MGAT4C: variants seen among roughly 807,000 people sequenced by gnomAD.
MGAT4C encodes the protein MGAT4 family member C.
In MGAT4C, 19 loss-of-function variants were observed where a neutral mutation model predicts 40.1. The observed-to-expected ratio is 0.47, with a 90% CI of 0.33 to 0.70. The LOEUF is 0.70. Among genes scored for constraint, MGAT4C ranks in the 30% least tolerant of loss-of-function variants. The pLI is 0.02. For missense variants in MGAT4C, 491 were observed against 563.2 expected (o/e 0.87, Z 1.30); for synonymous variants, 181 against 187.1 (o/e 0.97, Z 0.27).
intron 1 of MGAT4C, among the ~76,000 whole-genome samples, chr12:86,054,000 AAATT>A (rs1346583655): frequency 1.3e-5 from 2 of 152,028 alleles, no homozygotes; most frequent in African/African-American, 2.4e-5. Flanking sequence ...GTGGGGATGT[AAATT>A]AGTACAGCCG....
intron 2 of MGAT4C, among the ~76,000 whole-genome samples, chr12:86,454,323 G>T (rs867294215): frequency 3.3e-5 from 5 of 152,018 alleles, no homozygotes; most frequent in Non-Finnish European, 7.4e-5. Flanking sequence ...GACTTTCTGG[G>T]TTCAAGCAAT....
intron 2 of MGAT4C, among the ~76,000 whole-genome samples, chr12:86,448,934 T>G (rs1473784067): frequency 6.6e-6 from 1 of 152,208 alleles, no homozygotes; most frequent in Non-Finnish European, 1.5e-5. Context: ...CTCAAATAGC[T>G]AGGCTTCAGA....
chr12:86,739,909 TTA>T lies in MGAT4C; in HGVS notation c.-261-12670_-261-12669del, dbSNP rs1013184863. On this transcript the variant is annotated intron_variant, in intron 1 of 7. Transcript: ENST00000548651. ...ACACACACATAAGTCCTAAGGCATA[TTA>T]TATATATATATGTTTCTGTAAATTG... 1.7e-4 allele frequency among the ~76,000 whole-genome samples: 25 copies of T among 150,160 alleles called. 1 individual carries two copies. The highest frequency in any genetic ancestry group is 1.1e-3 in the Admixed American group (17 of 14,960).
At chr12:86,622,580 G>A (rs1000823783) in intron 2 of MGAT4C, among the ~76,000 whole-genome samples, 1 of 152,082 alleles carries the variant, frequency 6.6e-6, no homozygotes, top group African/African-American at 2.4e-5. Flanking sequence ...ATTAGCCCAT[G>A]ACTAAAAGCT....
chr12:86,625,033 T>C (rs547452877), intron 2 of MGAT4C, among the ~76,000 whole-genome samples: 70 of 152,050 alleles, frequency 4.6e-4, no homozygotes, highest in Admixed American at 7.9e-4. Flanking sequence ...GGTCTCGTGA[T>C]AGTGAGTGAG....
intron 2 of MGAT4C, among the ~76,000 whole-genome samples, chr12:86,682,678 G>A (rs1453924865): frequency 1.3e-5 from 2 of 152,020 alleles, no homozygotes; most frequent in East Asian, 3.8e-4. Context: ...AGAAATTTCT[G>A]AGCTTGCTAT....
chr12:86,132,151 G>C (rs555717421), intron 1 of MGAT4C, among the ~76,000 whole-genome samples: 13 of 152,124 alleles, frequency 8.5e-5, no homozygotes, highest in African/African-American at 3.1e-4. Context: ...AAATCTCTTT[G>C]TCTTGAAATT....
At chr12:86,411,224 T>C (rs948966779) in intron 3 of MGAT4C, among the ~76,000 whole-genome samples, 5 of 152,164 alleles carry the variant, frequency 3.3e-5, no homozygotes, top group African/African-American at 4.8e-5. Flanking sequence ...ACTTTGGTAC[T>C]GGGTAATGGA....
At chr12:86,177,499 T>C (rs1475659427) in intron 1 of MGAT4C, among the ~76,000 whole-genome samples, 17 of 152,086 alleles carry the variant, frequency 1.1e-4, no homozygotes, top group Admixed American at 9.8e-4. Context: ...AACAGAAATA[T>C]CTTAATAATT....
intron 1 of MGAT4C, among the ~76,000 whole-genome samples, chr12:86,182,376 T>C (rs1237341024): frequency 6.6e-6 from 1 of 152,192 alleles, no homozygotes; most frequent in Non-Finnish European, 1.5e-5. Flanking sequence ...ACTCTGTATT[T>C]CAACAAATGC....
intron 4 of MGAT4C, among the ~76,000 whole-genome samples, chr12:86,288,560 C>T (rs1453268837): frequency 6.6e-6 from 1 of 152,140 alleles, no homozygotes; most frequent in East Asian, 1.9e-4. Flanking sequence ...CAGTTTTCTG[C>T]ATATGGCTAG....
chr12:86,410,809 G>C (rs1956588330), intron 3 of MGAT4C, among the ~76,000 whole-genome samples: 1 of 152,226 alleles, frequency 6.6e-6, no homozygotes, highest in Admixed American at 6.5e-5. Flanking sequence ...TATTAATTTT[G>C]GAAACTGATA....
chr12:86,395,811 C>G (rs1454249262), intron 3 of MGAT4C, among the ~76,000 whole-genome samples: 4 of 152,076 alleles, frequency 2.6e-5, no homozygotes, highest in Non-Finnish European at 5.9e-5. Context: ...GGCAGTGATA[C>G]ATTGTATGGA....
At chr12:86,550,343 G>T (rs577964934) in intron 2 of MGAT4C, among the ~76,000 whole-genome samples, 2 of 152,276 alleles carry the variant, frequency 1.3e-5, no homozygotes, top group African/African-American at 2.4e-5. Flanking sequence ...AACACTTACA[G>T]TCTGTACTAT....
Position 86,765,660 on chromosome 12 carries a change from C to T in MGAT4C, c.-261-38419G>A, listed in dbSNP as rs1482909639. The stretch of plus-strand genomic sequence containing the variant: ...AAAGAGAAGCCCATCAGACTAACAG[C>T]GGATCTCTCGGCAGAAACTCTACAA... On this transcript the variant is annotated intron_variant, in intron 1 of 7. Transcript: ENST00000548651. 9.2e-5 allele frequency among the ~76,000 whole-genome samples: 14 copies of T among 152,270 alleles called. No homozygotes were observed. The South Asian group carries it at 1.5e-3, about 16-fold the overall frequency.
chr12:86,678,847 G>A (rs1264036654), intron 2 of MGAT4C, among the ~76,000 whole-genome samples: 3 of 152,014 alleles, frequency 2.0e-5, no homozygotes, highest in Non-Finnish European at 2.9e-5. Context: ...TATTTGGGTT[G>A]GTTCCAAGTC....
At chr12:86,408,477 CTCTA>C (rs1299847129) in intron 3 of MGAT4C, among the ~76,000 whole-genome samples, 580 of 97,352 alleles carry the variant, frequency 6.0e-3, no homozygotes, top group Non-Finnish European at 6.9e-3. Flanking sequence ...CTCTCTCTCT[CTCTA>C]TATATATATA....
At chr12:86,294,979 A>G (rs1953624725) in intron 4 of MGAT4C, among the ~76,000 whole-genome samples, 1 of 152,144 alleles carries the variant, frequency 6.6e-6, no homozygotes, top group African/African-American at 2.4e-5. Flanking sequence ...AATCTTCTTC[A>G]ATAATTCCAA....
At position 85,956,996 on chromosome 12, in the gene MGAT4C, T is replaced by G. The variant is rs1173006433; in HGVS notation, c.*22293A>C. 1 of 152,160 alleles carries G rather than the reference T, an allele frequency of 6.6e-6. No individual in the cohort carries two copies. Among genetic ancestry groups the G allele is most frequent in the Non-Finnish European group, 1.5e-5 (1 of 68,026 alleles). The allele number at this position is 152,160 out of a possible 1,614,324, so 9.4% of individuals were successfully genotyped here. ...GGTCTTCCTATTGTAACAGCTGATT[T>G]CATGGCTATGTGGAACCATTGGTTG... On this transcript the variant is annotated 3_prime_UTR_variant, in exon 5 of 5. Transcript: ENST00000611864.
Sources: gnomAD v4.1 joint callset for allele counts (sites outside exome capture counted in the v4.1 genomes callset) on GRCh38, gnomAD v4.1.1 for gene constraint, MANE v1.5 for transcripts, NCBI Gene and HGNC (gene_info 2026-07-23, HGNC 2026-07-21) for gene names.